TBC1D31: variants seen among roughly 807,000 people sequenced by gnomAD.
TBC1D31 encodes the protein TBC1 domain family member 31.
A neutral mutation model predicts 132.9 loss-of-function variants in TBC1D31; 99 were observed. The observed-to-expected ratio is 0.74, with a 90% confidence interval of 0.63 to 0.88. The LOEUF (loss-of-function observed/expected upper bound fraction) is 0.88, where lower values mean the gene tolerates loss of function less well. Ranked by LOEUF, TBC1D31 falls within the 40% of genes least tolerant of loss-of-function variation. The pLI is 0.00. For missense variants in TBC1D31, 1,134 were observed against 1,256.6 expected, an observed-to-expected ratio of 0.90 and a Z score of 1.48; for synonymous variants, 385 against 419.4, an observed-to-expected ratio of 0.92 and a Z score of 1.00.
At position 123,105,478 on chromosome 8, in the gene TBC1D31, G is replaced by A; in HGVS notation, c.1209+14G>A. 1 of 1,598,370 alleles carries A rather than the reference G, an allele frequency of 6.3e-7. No individual in the cohort carries two copies. The highest frequency in any genetic ancestry group is 8.5e-7 in the Non-Finnish European group (1 of 1,172,228). On this transcript the variant is annotated intron_variant, in intron 8 of 21. Transcript: ENST00000287380. ...GAAAGTAAAAAGGTAAGAATATTTGGTAATTAAACTTTGTCATGATTCTGC... is the reference window on the plus strand; with the variant it reads ...GAAAGTAAAAAGGTAAGAATATTTGATAATTAAACTTTGTCATGATTCTGC...
intron 4 of TBC1D31, 128 bp downstream of exon 4, chr8:123,084,468 A>G (rs755173982): frequency 2.3e-6 from 2 of 882,902 alleles, no homozygotes; most frequent in Non-Finnish European, 3.5e-6. Flanking sequence ...GCAACAAGCA[A>G]AGCAAAGTGG....
intron 8 of TBC1D31, among the ~76,000 whole-genome samples, chr8:123,108,125 T>C (rs956167173): frequency 6.6e-6 from 1 of 152,188 alleles, no homozygotes; most frequent in African/African-American, 2.4e-5. Context: ...ACTACCTGTT[T>C]CTTCTTGTAA....
At chr8:123,116,261 T>TA (rs1818894969) in intron 10 of TBC1D31, among the ~76,000 whole-genome samples, 1 of 152,172 alleles carries the variant, frequency 6.6e-6, no homozygotes, top group African/African-American at 2.4e-5. Flanking sequence ...GCATACCTCA[T>TA]ATCTTACACC....
At chr8:123,110,407 G>A (rs1372402202) in intron 10 of TBC1D31, among the ~76,000 whole-genome samples, 1 of 152,100 alleles carries the variant, frequency 6.6e-6, no homozygotes, top group Non-Finnish European at 1.5e-5. Context: ...TGACTTATAG[G>A]TAAAGAAACT....
Position 123,084,234 on chromosome 8 carries a change from G to A in TBC1D31, c.413G>A (p.Gly138Glu). 2 of 1,614,094 alleles carry A rather than the reference G, an allele frequency of 1.2e-6. No individual in the cohort carries two copies. Among genetic ancestry groups the A allele is most frequent in the Non-Finnish European group, 1.7e-6 (2 of 1,179,982 alleles). Residue 138 changes from glycine (G) to glutamate (E), a missense_variant, in exon 4 of 22, where the codon GGG (glycine) becomes GAG (glutamate). Gly to Glu is a moderately conservative substitution (Grantham distance 98, BLOSUM62 -2). Transcript: ENST00000287380. Reference sequence around the variant, plus strand: ...TTTTCGATCTCTGTGCATGCATCAGGGAAATATGCCATCACAACTTCTTCT... The same window carrying A: ...TTTTCGATCTCTGTGCATGCATCAGAGAAATATGCCATCACAACTTCTTCT... ...SVFSISVHAS[G>E]KYAITTSSDT...
At chr8:123,100,538 T>C (rs1209781298) in intron 6 of TBC1D31, among the ~76,000 whole-genome samples, 3 of 151,850 alleles carry the variant, frequency 2.0e-5, no homozygotes, top group African/African-American at 7.3e-5. Flanking sequence ...ATCGTGCCAC[T>C]GCACTCCAGC....
intron 17 of TBC1D31, among the ~76,000 whole-genome samples, chr8:123,140,328 C>T (rs946775933): frequency 8.5e-5 from 13 of 152,302 alleles, no homozygotes; most frequent in Non-Finnish European, 1.6e-4. Flanking sequence ...TGCCACTGCA[C>T]TCCAGCCTGG....
intron 11 of TBC1D31, among the ~76,000 whole-genome samples, chr8:123,124,453 A>G (rs1819826562): frequency 6.6e-6 from 1 of 152,136 alleles, no homozygotes; most frequent in Non-Finnish European, 1.5e-5. Context: ...AATACTTAAG[A>G]GCAGGCAGAC....
At chr8:123,143,546 A>T (rs1821904792) in intron 19 of TBC1D31, among the ~76,000 whole-genome samples, 1 of 152,170 alleles carries the variant, frequency 6.6e-6, no homozygotes, top group South Asian at 2.1e-4. Flanking sequence ...AAAGATCAAG[A>T]TGTAGATACC....
intron 10 of TBC1D31, among the ~76,000 whole-genome samples, chr8:123,119,675 T>C (rs1012183445): frequency 1.3e-5 from 2 of 152,058 alleles, no homozygotes; most frequent in African/African-American, 4.8e-5. Context: ...ATTATGCCAC[T>C]GCATTCCAGT....
chr8:123,091,823 G>GA (rs1414515712), intron 4 of TBC1D31, among the ~76,000 whole-genome samples: 1 of 152,084 alleles, frequency 6.6e-6, no homozygotes, highest in Non-Finnish European at 1.5e-5. Context: ...TTATGTGATA[G>GA]AAAAATGAAA....
chr8:123,105,536 C>T (rs954956834), intron 8 of TBC1D31, 72 bp downstream of exon 8: 2 of 1,220,320 alleles, frequency 1.6e-6, no homozygotes, highest in Admixed American at 2.3e-5. Context: ...TAAGCCATCA[C>T]CACTCTTCTC....
At chr8:123,158,800 T>C in the TBC1D31 span, among the ~76,000 whole-genome samples, 6 of 151,648 alleles carry the variant, frequency 4.0e-5, no homozygotes, top group East Asian at 1.2e-3. Flanking sequence ...CACCTCCCAG[T>C]GGGAGAAGGA....
In TBC1D31 at chr8:123,145,354, C is replaced by T. The variant is rs1822095628; in HGVS notation, c.2974+499C>T. On this transcript the variant is annotated intron_variant, in intron 20 of 21. Transcript: ENST00000287380. ...GGTGGGACTATTACAGAAACAGAGT[C>T]CCAGTCGAGGAAAAAGTTTGTGCAG... 2.0e-5 allele frequency among the ~76,000 whole-genome samples: 3 copies of T among 152,186 alleles called. No homozygotes were observed. In the South Asian group the frequency reaches 6.2e-4, roughly 32 times the overall value.
At chr8:123,126,739 C>G in intron 13 of TBC1D31, 52 bp downstream of exon 13, 1 of 1,487,760 alleles carries the variant, frequency 6.7e-7, no homozygotes, top group Non-Finnish European at 9.1e-7. Context: ...TTATTTCTCT[C>G]TATTTTTTTT....
chr8:123,158,992 G>C, the TBC1D31 span, among the ~76,000 whole-genome samples: 5 of 152,170 alleles, frequency 3.3e-5, no homozygotes, highest in African/African-American at 1.2e-4. Context: ...CACACGCACC[G>C]GCGGGAATCC....
At chr8:123,164,786 GTC>G in the TBC1D31 span, among the ~76,000 whole-genome samples, 1 of 151,800 alleles carries the variant, frequency 6.6e-6, no homozygotes, top group East Asian at 1.9e-4. Context: ...GTCCCCTCAA[GTC>G]ACTCCTAATA....
At chr8:123,074,216 C>T (rs1814242313) in intron 1 of TBC1D31, among the ~76,000 whole-genome samples, 1 of 151,912 alleles carries the variant, frequency 6.6e-6, no homozygotes, top group African/African-American at 2.4e-5. Flanking sequence ...TTAGTAGAGA[C>T]GGACCGTGTT....
chr8:123,101,477 C>T (rs1817410082), intron 7 of TBC1D31, among the ~76,000 whole-genome samples: 1 of 152,106 alleles, frequency 6.6e-6, no homozygotes, highest in Admixed American at 6.6e-5. Context: ...TGCAATGGTG[C>T]GATCTTGGCT....
Sources: allele counts gnomAD v4.1 joint callset (sites outside exome capture counted in the v4.1 genomes callset), GRCh38; gene constraint gnomAD v4.1.1; transcripts MANE v1.5; gene names NCBI Gene and HGNC (gene_info 2026-07-23, HGNC 2026-07-21).